GABRB1: variants seen among roughly 807,000 people sequenced by gnomAD.
GABRB1 encodes gamma-aminobutyric acid receptor subunit beta-1.
In GABRB1, 17 loss-of-function variants were observed where a neutral mutation model predicts 51.6. That is an observed-to-expected ratio of 0.33 (90% CI 0.23 to 0.49). The LOEUF (loss-of-function observed/expected upper bound fraction) is 0.49, where lower values mean the gene tolerates loss of function less well. Among genes scored for constraint, GABRB1 ranks in the 20% least tolerant of loss-of-function variants. The probability of loss-of-function intolerance (pLI) is 0.99; values close to 1 mark genes in which losing one functional copy is unlikely to be tolerated. For missense variants in GABRB1, 410 were observed against 600.6 expected (o/e 0.68, Z 3.32); for synonymous variants, 247 against 218.9 (o/e 1.13, Z -1.14).
rs752060308 is a variant in GABRB1 at position 47,419,230 on chromosome 4, G to A, written c.1081-6444G>A. Among the ~76,000 whole-genome samples the A allele has an allele frequency of 2.0e-5, 3 of 152,330 alleles. No homozygotes were observed. In the South Asian group the frequency reaches 6.2e-4, roughly 32 times the overall value. ...AACAAGATAACATGGTTTATAAGCA[G>A]TGCACTGGAGGAAGGAAGGAAAGTG... On this transcript the variant is annotated intron_variant, in intron 8 of 8. Transcript: ENST00000295454.
At chr4:47,283,578 C>T (rs1010677306) in intron 4 of GABRB1, among the ~76,000 whole-genome samples, 11 of 150,908 alleles carry the variant, frequency 7.3e-5, no homozygotes, top group Non-Finnish European at 1.3e-4. Context: ...TTGGTAGAGA[C>T]GGGGTTTCAC....
intron 8 of GABRB1, among the ~76,000 whole-genome samples, chr4:47,415,416 C>G (rs953126343): frequency 6.6e-6 from 1 of 152,082 alleles, no homozygotes; most frequent in South Asian, 2.1e-4. Context: ...TTTATAGTGT[C>G]AAAGCTCTTT....
intron 5 of GABRB1, among the ~76,000 whole-genome samples, chr4:47,386,613 T>C (rs1727802987): frequency 6.6e-6 from 1 of 152,174 alleles, no homozygotes; most frequent in Non-Finnish European, 1.5e-5. Flanking sequence ...CATTAGCATG[T>C]ATAAAGGAAA....
chr4:47,278,380 T>C (rs1434792441), intron 4 of GABRB1, among the ~76,000 whole-genome samples: 2 of 152,170 alleles, frequency 1.3e-5, no homozygotes, highest in African/African-American at 2.4e-5. Flanking sequence ...GAACATAAAA[T>C]GCTTACATTA....
intron 8 of GABRB1, among the ~76,000 whole-genome samples, chr4:47,413,508 G>C (rs1260309043): frequency 1.3e-5 from 2 of 152,178 alleles, no homozygotes; most frequent in Admixed American, 1.3e-4. Context: ...CTACCTGCTA[G>C]TTAAACTCAA....
intron 3 of GABRB1, among the ~76,000 whole-genome samples, chr4:47,054,426 G>C (rs933215491): frequency 1.3e-5 from 2 of 152,134 alleles, no homozygotes; most frequent in African/African-American, 4.8e-5. Flanking sequence ...CATGTAATTA[G>C]GGATAATGAT....
intron 3 of GABRB1, chr4:47,043,468 G>T (rs540680456): frequency 1.3e-5 from 2 of 152,140 alleles, no homozygotes; most frequent in African/African-American, 4.8e-5. Flanking sequence ...GGATTTTACA[G>T]GATGGCATCT....
At chr4:47,419,280 C>T (rs1729025635) in intron 8 of GABRB1, among the ~76,000 whole-genome samples, 1 of 152,188 alleles carries the variant, frequency 6.6e-6, no homozygotes, top group Admixed American at 6.5e-5. Context: ...GCTGGATTGT[C>T]CCTTCCATCT....
intron 4 of GABRB1, among the ~76,000 whole-genome samples, chr4:47,215,223 G>A (rs1406767410): frequency 6.6e-6 from 1 of 152,084 alleles, no homozygotes; most frequent in Non-Finnish European, 1.5e-5. Context: ...TCCAGTCTCT[G>A]ATGAAGGTGA....
chr4:47,259,189 CCACAAA>C (rs1380265215), intron 4 of GABRB1, among the ~76,000 whole-genome samples: 2 of 152,046 alleles, frequency 1.3e-5, no homozygotes, highest in African/African-American at 2.4e-5. Context: ...TCACTTTCAG[CCACAAA>C]CAAATCCAGC....
chr4:47,093,410 C>A (rs1471098360), intron 3 of GABRB1, among the ~76,000 whole-genome samples: 1 of 151,954 alleles, frequency 6.6e-6, no homozygotes, highest in African/African-American at 2.4e-5. Context: ...ATTGGGTAAT[C>A]AATGAGCAAT....
chr4:47,067,851 A>G (rs377744585), intron 3 of GABRB1, among the ~76,000 whole-genome samples: 67 of 152,146 alleles, frequency 4.4e-4, no homozygotes, highest in African/African-American at 1.5e-3. Flanking sequence ...AGCATCCATT[A>G]GCTCTTCTTC....
intron 1 of GABRB1, among the ~76,000 whole-genome samples, chr4:47,015,767 G>T (rs1490121658): frequency 6.6e-6 from 1 of 152,150 alleles, no homozygotes; most frequent in Admixed American, 6.5e-5. Context: ...CAATATTGGA[G>T]CTTTACTATT....
intron 3 of GABRB1, among the ~76,000 whole-genome samples, chr4:47,132,327 C>T (rs574155578): frequency 7.2e-5 from 11 of 152,090 alleles, no homozygotes; most frequent in South Asian, 4.2e-4. Flanking sequence ...TTAAAACTCT[C>T]CAATGCCCTT....
chr4:47,336,175 A>T (rs2109981550), intron 5 of GABRB1, among the ~76,000 whole-genome samples: 1 of 152,294 alleles, frequency 6.6e-6, no homozygotes, highest in South Asian at 2.1e-4. Flanking sequence ...ATCAAGTGAA[A>T]GTCTAAGTTT....
intron 3 of GABRB1, among the ~76,000 whole-genome samples, chr4:47,070,623 C>T (rs565022071): frequency 7.9e-5 from 12 of 152,150 alleles, no homozygotes; most frequent in African/African-American, 2.6e-4. Flanking sequence ...TGAGCCACCG[C>T]GCCCGGCCTG....
intron 4 of GABRB1, among the ~76,000 whole-genome samples, chr4:47,181,397 C>G (rs978535501): frequency 2.0e-5 from 3 of 151,932 alleles, no homozygotes; most frequent in Non-Finnish European, 4.4e-5. Flanking sequence ...TTTAATTACT[C>G]TATTTATGCT....
At chr4:47,246,299 T>TACACACAC (rs59187371) in intron 4 of GABRB1, among the ~76,000 whole-genome samples, 1 of 84,170 alleles carries the variant, frequency 1.2e-5, no homozygotes, top group Non-Finnish European at 2.3e-5. Flanking sequence ...TATATATATA[T>TACACACAC]ACACACACAC....
At chr4:47,186,505 T>C (rs879644792) in intron 4 of GABRB1, among the ~76,000 whole-genome samples, 15 of 151,834 alleles carry the variant, frequency 9.9e-5, no homozygotes, top group Non-Finnish European at 1.6e-4. Context: ...ATTCAGGGTA[T>C]CTAATGTCTA....
Sources: gnomAD v4.1 joint callset for allele counts (sites outside exome capture counted in the v4.1 genomes callset) on GRCh38, gnomAD v4.1.1 for gene constraint, MANE v1.5 for transcripts, NCBI Gene and HGNC (gene_info 2026-07-23, HGNC 2026-07-21) for gene names.